The following CYRIA variants were observed in gnomAD, a reference collection of about 807,000 sequenced individuals.
The protein encoded by CYRIA is CYFIP-related Rac1 interactor A.
In CYRIA, 15 loss-of-function variants were observed where a neutral mutation model predicts 43.9. The ratio of observed to expected loss-of-function variants is 0.34; its 90% CI spans 0.23 to 0.53. The LOEUF (loss-of-function observed/expected upper bound fraction) is 0.53. CYRIA is among the 20% of genes least tolerant of loss of function. CYRIA has a pLI of 0.94. For synonymous variants in CYRIA, 117 were observed against 136.0 expected (o/e 0.86, Z 0.97); for missense variants, 236 against 394.2 (o/e 0.60, Z 3.40).
chr2:16,627,399 G>A (rs1005977169), intron 1 of CYRIA, among the ~76,000 whole-genome samples: 1 of 152,206 alleles, frequency 6.6e-6, no homozygotes, highest in Non-Finnish European at 1.5e-5. Context: ...AGAAGGGGCA[G>A]GTGTTTGGAT....
chr2:16,552,895 T>G lies in CYRIA; in HGVS notation c.*41A>C. The G allele has an allele frequency of 8.1e-7, 1 of 1,231,640 alleles. No individual in the cohort carries two copies. The highest frequency in any genetic ancestry group is 1.2e-5 in the South Asian group (1 of 83,436). The allele number at this position is 1,231,640 out of a possible 1,614,324, so 76.3% of individuals were successfully genotyped here. A position where few individuals can be genotyped will look rare whatever the true frequency, so the allele number is the denominator to read the frequency against. ...ATTAAATTATGTAAACATATACATC[T>G]TCTGAGGTCAGCACATAGATCCTCT... is the stretch of plus-strand genomic sequence containing the variant. On this transcript the variant is annotated 3_prime_UTR_variant, in exon 12 of 12. Transcript: ENST00000381323.
At chr2:16,616,055 A>G (rs543808291) in intron 2 of CYRIA, among the ~76,000 whole-genome samples, 16 of 152,272 alleles carry the variant, frequency 1.1e-4, no homozygotes, top group Non-Finnish European at 2.2e-4. Context: ...GTCGGGGGAG[A>G]ACAAGCCAGT....
At position 16,562,620 on chromosome 2, in the gene CYRIA, G is replaced by A. The variant is rs374074832; in HGVS notation, c.299-479C>T. On this transcript the variant is annotated intron_variant, in intron 5 of 11. Transcript: ENST00000381323. ...AAGAATATTTTTCTATGAACCCATTGCCCTATCTACCTCCATTATTTTTCT... is the reference window on the plus strand; with the variant it reads ...AAGAATATTTTTCTATGAACCCATTACCCTATCTACCTCCATTATTTTTCT... 4.9e-4 allele frequency among the ~76,000 whole-genome samples: 75 copies of A among 152,146 alleles called. 1 individual carries two copies. The highest frequency in any genetic ancestry group is 1.7e-3 in the African/African-American group (71 of 41,502).
intron 1 of CYRIA, among the ~76,000 whole-genome samples, chr2:16,652,570 G>A (rs543630415): frequency 6.6e-6 from 1 of 152,324 alleles, no homozygotes; most frequent in South Asian, 2.1e-4. Flanking sequence ...CTTCTGGAAA[G>A]GTCTCCAGAG....
At chr2:16,631,454 A>G (rs1669328512) in intron 1 of CYRIA, among the ~76,000 whole-genome samples, 1 of 152,232 alleles carries the variant, frequency 6.6e-6, no homozygotes, top group South Asian at 2.1e-4. Context: ...ACACATACTG[A>G]TGCTTCTAAA....
intron 2 of CYRIA, among the ~76,000 whole-genome samples, chr2:16,591,746 G>A (rs1220387708): frequency 6.6e-6 from 1 of 152,024 alleles, no homozygotes; most frequent in Admixed American, 6.6e-5. Flanking sequence ...TATATCAGAG[G>A]GAATACGGCA....
chr2:16,574,756 T>A (rs1232148461), intron 3 of CYRIA, among the ~76,000 whole-genome samples: 2 of 152,200 alleles, frequency 1.3e-5, no homozygotes, highest in Non-Finnish European at 2.9e-5. Context: ...AATCTCCAGA[T>A]TTCAGAAGAT....
At chr2:16,562,164 G>A in intron 5 of CYRIA, 23 bp from the exon 6 acceptor site, 1 of 1,602,246 alleles carries the variant, frequency 6.2e-7, no homozygotes, top group Non-Finnish European at 8.5e-7. Flanking sequence ...GGGATAAATA[G>A]ATATGTTGGA....
At chr2:16,621,575 C>T (rs1354271480) in intron 2 of CYRIA, among the ~76,000 whole-genome samples, 5 of 152,192 alleles carry the variant, frequency 3.3e-5, no homozygotes, top group African/African-American at 4.8e-5. Context: ...TTTCTGCCCT[C>T]GCTTCATTCC....
At chr2:16,653,961 G>A (rs1397765289) in intron 1 of CYRIA, among the ~76,000 whole-genome samples, 1 of 152,232 alleles carries the variant, frequency 6.6e-6, no homozygotes, top group African/African-American at 2.4e-5. Context: ...AACTGAGCCA[G>A]TAGTGGGGCA....
rs143513091 is a variant in CYRIA, at chr2:16,622,353, G to A, written c.-11+1511C>T. On this transcript the variant is annotated intron_variant, in intron 2 of 11. Coordinates refer to ENST00000381323, the MANE Select transcript of CYRIA (RefSeq NM_030797.4). Reference sequence around the variant, plus strand: ...GTCCGGGTGAGAAAAGGCTTCTATGGATGAAGAGCTCTGAAATAAAAAGGC... The same window carrying A: ...GTCCGGGTGAGAAAAGGCTTCTATGAATGAAGAGCTCTGAAATAAAAAGGC... 5.3e-5 allele frequency among the ~76,000 whole-genome samples: 8 copies of A among 152,278 alleles called. No individual in the cohort carries two copies. In the East Asian group the frequency reaches 1.3e-3, roughly 26 times the overall value.
chr2:16,645,365 C>G (rs1669789558), intron 1 of CYRIA, among the ~76,000 whole-genome samples: 1 of 152,174 alleles, frequency 6.6e-6, no homozygotes, highest in African/African-American at 2.4e-5. Context: ...AGGTACCTCC[C>G]CTCTTTGAGC....
At chr2:16,619,913 A>G (rs1208597192) in intron 2 of CYRIA, among the ~76,000 whole-genome samples, 1 of 152,212 alleles carries the variant, frequency 6.6e-6, no homozygotes, top group East Asian at 1.9e-4. Flanking sequence ...TTCAATGCCC[A>G]AATCATATGG....
chr2:16,573,421 T>C (rs1667212038), intron 3 of CYRIA, among the ~76,000 whole-genome samples: 1 of 152,210 alleles, frequency 6.6e-6, no homozygotes, highest in African/African-American at 2.4e-5. Flanking sequence ...ATATTCTACA[T>C]TTCCAAAGTA....
chr2:16,552,975 A>G lies in CYRIA; in HGVS notation c.933T>C (p.Asp311=). Residue 311 remains aspartate (D), a synonymous_variant, in exon 12 of 12, where the codon GAT becomes GAC. Transcript: ENST00000381323. ...CTCGAATCTGTTTGGAAGTTGATTC[A>G]TCGTTCAAGTGCTTTGTAGTGAACC... ...ALRFTTKHLN[D]ESTSKQIRAM... is the part of the protein sequence containing the mutation. 5.6e-6 allele frequency: 9 copies of G among 1,610,578 alleles called. No individual in the cohort carries two copies. The highest frequency in any genetic ancestry group is 2.7e-5 in the African/African-American group (2 of 74,946).
intron 1 of CYRIA, among the ~76,000 whole-genome samples, chr2:16,637,969 A>C (rs1379984854): frequency 2.6e-5 from 4 of 152,168 alleles, no homozygotes; most frequent in African/African-American, 9.7e-5. Context: ...GACCCTGGAA[A>C]TCAGTATGTT....
At position 16,588,140 on chromosome 2, in the gene CYRIA, C is replaced by T. The variant is rs758242708; in HGVS notation, c.-10-11G>A. On this transcript the variant is annotated splice_polypyrimidine_tract_variant and intron_variant, in intron 2 of 11. Transcript: ENST00000381323. ...CCCATCCCAGCAAACCTAGGAAAGG[C>T]AACACAAAACCAAATACCATTAGCA... is the stretch of plus-strand genomic sequence containing the variant. The T allele has an allele frequency of 1.3e-6, 2 of 1,565,190 alleles. No individual in the cohort carries two copies. The highest frequency in any genetic ancestry group is 1.4e-5 in the African/African-American group (1 of 73,004).
At chr2:16,619,031 G>A (rs1431336386) in intron 2 of CYRIA, among the ~76,000 whole-genome samples, 1 of 152,156 alleles carries the variant, frequency 6.6e-6, no homozygotes, top group African/African-American at 2.4e-5. Context: ...TCACAGCTGT[G>A]GGCTTTGGCC....
At chr2:16,642,857 C>T (rs937757445) in intron 1 of CYRIA, among the ~76,000 whole-genome samples, 7 of 152,056 alleles carry the variant, frequency 4.6e-5, no homozygotes, top group Non-Finnish European at 5.9e-5. Flanking sequence ...CCATCCTGAC[C>T]GCCCTTTTCA....
Sources: gnomAD v4.1 joint callset for allele counts (sites outside exome capture counted in the v4.1 genomes callset) on GRCh38, gnomAD v4.1.1 for gene constraint, MANE v1.5 for transcripts, NCBI Gene and HGNC (gene_info 2026-07-23, HGNC 2026-07-21) for gene names.